Variants in CNOT4 observed in about 807,000 individuals in gnomAD.
CNOT4 encodes the protein CCR4-NOT transcription complex subunit 4.
In CNOT4, 8 loss-of-function variants were observed where a neutral mutation model predicts 73.8. That is an observed-to-expected ratio of 0.11 (90% CI 0.06 to 0.20). The LOEUF is 0.20. CNOT4 is among the 10% of genes least tolerant of loss of function. CNOT4 has a pLI of 1.00. For missense variants in CNOT4, 564 were observed against 883.4 expected (o/e 0.64, Z 4.58); for synonymous variants, 293 against 321.1 (o/e 0.91, Z 0.94).
intron 2 of CNOT4, among the ~76,000 whole-genome samples, chr7:135,435,920 G>A (rs1449836567): frequency 6.6e-6 from 1 of 151,746 alleles, no homozygotes; most frequent in South Asian, 2.1e-4. Flanking sequence ...TCTGCTACAT[G>A]GCACAAAAAA....
intron 1 of CNOT4, among the ~76,000 whole-genome samples, chr7:135,451,310 T>C (rs1367841848): frequency 6.6e-6 from 1 of 152,236 alleles, no homozygotes; most frequent in African/African-American, 2.4e-5. Flanking sequence ...GTCTTGTTTT[T>C]GTTCGAGAGA....
chr7:135,445,340 A>G (rs1160602984), intron 1 of CNOT4, among the ~76,000 whole-genome samples: 1 of 152,068 alleles, frequency 6.6e-6, no homozygotes, highest in Admixed American at 6.5e-5. Context: ...TTCATGAATA[A>G]AAACTTTGTA....
chr7:135,385,224 A>G (rs1796061560), intron 10 of CNOT4, among the ~76,000 whole-genome samples: 1 of 152,234 alleles, frequency 6.6e-6, no homozygotes, highest in Non-Finnish European at 1.5e-5. Context: ...CCACATTCAC[A>G]TCAAGACTAA....
At chr7:135,440,025 TAGA>T (rs1213372872) in intron 1 of CNOT4, among the ~76,000 whole-genome samples, 2 of 151,366 alleles carry the variant, frequency 1.3e-5, no homozygotes, top group African/African-American at 4.9e-5. Context: ...TCTTGGGATA[TAGA>T]AGGTCTTCAT....
At chr7:135,439,308 C>A (rs1362202545) in intron 1 of CNOT4, among the ~76,000 whole-genome samples, 1 of 152,036 alleles carries the variant, frequency 6.6e-6, no homozygotes, top group Non-Finnish European at 1.5e-5. Context: ...CAAACTGATC[C>A]TAAAGGTTAC....
intron 1 of CNOT4, among the ~76,000 whole-genome samples, chr7:135,497,378 T>C (rs1803659729): frequency 6.6e-6 from 1 of 152,024 alleles, no homozygotes; most frequent in African/African-American, 2.4e-5. Context: ...CACTGCACTA[T>C]AGCCTGGGTG....
chr7:135,486,112 T>C (rs1207316814), intron 1 of CNOT4, among the ~76,000 whole-genome samples: 1 of 151,734 alleles, frequency 6.6e-6, no homozygotes, highest in African/African-American at 2.4e-5. Context: ...CTTAACTAAA[T>C]ACCACCTGTA....
intron 1 of CNOT4, among the ~76,000 whole-genome samples, chr7:135,444,010 C>T (rs1404461035): frequency 6.6e-6 from 1 of 151,888 alleles, no homozygotes; most frequent in Non-Finnish European, 1.5e-5. Context: ...TGTGGTAGTG[C>T]ACACCTGTAG....
At chr7:135,412,487 C>G (rs1307701711) in intron 6 of CNOT4, among the ~76,000 whole-genome samples, 4 of 151,818 alleles carry the variant, frequency 2.6e-5, no homozygotes, top group Middle Eastern at 3.2e-3. Flanking sequence ...ACAAAAAAAG[C>G]ATTAAGAAAT....
intron 1 of CNOT4, among the ~76,000 whole-genome samples, chr7:135,467,074 T>C (rs907154452): frequency 1.3e-5 from 2 of 152,244 alleles, no homozygotes; most frequent in South Asian, 4.1e-4. Context: ...CATCTGTGTA[T>C]TTTCCAGGAA....
rs1426319817 is a variant in CNOT4, at chr7:135,364,213, C to G, written c.1628-147G>C. On this transcript the variant is annotated intron_variant, in intron 10 of 11. Coordinates refer to ENST00000541284, the MANE Select transcript of CNOT4 (RefSeq NM_001190850.2). This position sits in a 1 kb window ranked among gnomAD's most constrained non-coding sequence, Gnocchi z 4.3. ...AAATGGGTTGTCCTAGCAAGATAAA[C>G]TTGGTTAGGATTTTGCTCGTGAGCT... The G allele has an allele frequency of 2.9e-6, 2 of 696,812 alleles. No homozygotes were observed. Among genetic ancestry groups the G allele is most frequent in the East Asian group, 2.7e-5 (1 of 36,466 alleles). The allele number at this position is 696,812 out of a possible 1,614,324, so 43.2% of individuals were successfully genotyped here. A position where few individuals can be genotyped will look rare whatever the true frequency, so the allele number is the denominator to read the frequency against.
chr7:135,440,221 T>TA (rs71174523), intron 1 of CNOT4, among the ~76,000 whole-genome samples: 20,925 of 107,240 alleles, frequency 0.2, 2,060 homozygotes, highest in East Asian at 0.43. Context: ...ACAGACAAGT[T>TA]AAAAAAAAAA....
At chr7:135,499,686 GC>G (rs1803835208) in intron 1 of CNOT4, among the ~76,000 whole-genome samples, 1 of 152,012 alleles carries the variant, frequency 6.6e-6, no homozygotes. Context: ...GGATTTGGCA[GC>G]TATCACTGAA....
chr7:135,451,773 A>G (rs1344827373), intron 1 of CNOT4, among the ~76,000 whole-genome samples: 1 of 152,092 alleles, frequency 6.6e-6, no homozygotes, highest in Non-Finnish European at 1.5e-5. Context: ...CAAAGAGACT[A>G]TTTATGTATT....
chr7:135,476,588 G>A (rs1802009389), intron 1 of CNOT4, among the ~76,000 whole-genome samples: 1 of 152,144 alleles, frequency 6.6e-6, no homozygotes, highest in Non-Finnish European at 1.5e-5. Flanking sequence ...AAAGCCAGAG[G>A]ATCACTTGGC....
intron 2 of CNOT4, among the ~76,000 whole-genome samples, chr7:135,429,863 G>T (rs1250057952): frequency 6.6e-6 from 1 of 152,180 alleles, no homozygotes; most frequent in East Asian, 1.9e-4. Context: ...GTACTTACCA[G>T]ATCCTGGTAC....
intron 2 of CNOT4, among the ~76,000 whole-genome samples, chr7:135,433,551 C>T (rs1015496462): frequency 1.3e-5 from 2 of 151,276 alleles, no homozygotes; most frequent in African/African-American, 4.9e-5. Flanking sequence ...AGAGATGAGG[C>T]CTCGCCATGT....
At chr7:135,484,214 A>G (rs961101516) in intron 1 of CNOT4, among the ~76,000 whole-genome samples, 1 of 152,114 alleles carries the variant, frequency 6.6e-6, no homozygotes, top group Non-Finnish European at 1.5e-5. Flanking sequence ...AAATTAATTT[A>G]ATTTAAAAAA....
chr7:135,457,017 G>T (rs2129486145), intron 1 of CNOT4, among the ~76,000 whole-genome samples: 1 of 152,092 alleles, frequency 6.6e-6, no homozygotes, highest in Non-Finnish European at 1.5e-5. Context: ...AAGATCACTG[G>T]CTATAAAACC....
Sources: allele counts gnomAD v4.1 joint callset (sites outside exome capture counted in the v4.1 genomes callset), GRCh38; gene constraint gnomAD v4.1.1; non-coding constraint Gnocchi (gnomAD v3.1); transcripts MANE v1.5; gene names NCBI Gene and HGNC (gene_info 2026-07-23, HGNC 2026-07-21).